Variants in KDM8 observed in about 807,000 individuals in gnomAD.
The protein encoded by KDM8 is lysine demethylase 8.
A neutral mutation model predicts 46.9 loss-of-function variants in KDM8; 35 were observed. The ratio of observed to expected loss-of-function variants is 0.75; its 90% confidence interval spans 0.57 to 0.99. KDM8 has a LOEUF of 0.99. Among genes scored for constraint, KDM8 ranks in the 50% least tolerant of loss-of-function variants. The pLI, the probability that KDM8 is intolerant of heterozygous loss-of-function variation, is 0.00. For missense variants in KDM8, 475 were observed against 537.0 expected, an observed-to-expected ratio of 0.88 and a Z score of 1.14; for synonymous variants, 232 against 227.7, an observed-to-expected ratio of 1.02 and a Z score of -0.17.
intron 5 of KDM8, among the ~76,000 whole-genome samples, chr16:27,218,714 G>T (rs1220019005): frequency 6.6e-6 from 1 of 152,178 alleles, no homozygotes; most frequent in Non-Finnish European, 1.5e-5. Flanking sequence ...GCCGGGTGTG[G>T]TGCATGCTTG....
At chr16:27,208,388 G>A (rs1206579183) in intron 1 of KDM8, among the ~76,000 whole-genome samples, 1 of 152,204 alleles carries the variant, frequency 6.6e-6, no homozygotes, top group Non-Finnish European at 1.5e-5. Context: ...GTTTTATAAG[G>A]TCACCCTGAA....
intron 1 of KDM8, among the ~76,000 whole-genome samples, chr16:27,205,125 A>G (rs79047410): frequency 0.012 from 1,897 of 152,340 alleles, 48 homozygotes; most frequent in African/African-American, 0.043. Context: ...CTACTTTGCC[A>G]GTTTGCATAG....
chr16:27,220,506 G>A, intron 7 of KDM8, 21 bp downstream of exon 7: 1 of 1,614,076 alleles, frequency 6.2e-7, no homozygotes, highest in Non-Finnish European at 8.5e-7. Flanking sequence ...GGGGTCTGGG[G>A]TGACGTTGCA....
intron 6 of KDM8, 72 bp downstream of exon 6, chr16:27,219,182 G>C (rs1294837611): frequency 7.0e-7 from 1 of 1,427,958 alleles, no homozygotes; most frequent in Non-Finnish European, 9.4e-7. Context: ...CACATTCTCT[G>C]CCTTTAAACA....
chr16:27,217,352 C>T (rs1423219548), intron 5 of KDM8, among the ~76,000 whole-genome samples: 3 of 152,220 alleles, frequency 2.0e-5, no homozygotes, highest in African/African-American at 7.2e-5. Flanking sequence ...CGGGTCTCTG[C>T]ATCCTCGGCC....
chr16:27,211,291 G>C (rs2083482762), intron 2 of KDM8: 2 of 429,968 alleles, frequency 4.7e-6, no homozygotes, highest in Admixed American at 5.6e-5. Context: ...TCTCACCCAG[G>C]CGAGGCGATA....
chr16:27,213,800 C>T, intron 3 of KDM8, 49 bp downstream of exon 3: 1 of 1,574,616 alleles, frequency 6.4e-7, no homozygotes, highest in Non-Finnish European at 8.7e-7. Context: ...TTTTAGCGTT[C>T]CCCAGGGCTC....
chr16:27,214,928 G>T lies in KDM8; in HGVS notation c.718G>T (p.Gly240Cys). 2 of 1,614,192 alleles carry T rather than the reference G, an allele frequency of 1.2e-6. No individual in the cohort carries two copies. The highest frequency in any genetic ancestry group is 1.7e-6 in the Non-Finnish European group (2 of 1,180,016). The stretch of plus-strand genomic sequence containing the variant: ...CTGCCGAACTGTCCCAGTGGAAGTT[G>T]GTTCGAGGTACACAGATGAGGAATG... Reference protein sequence around the residue: ...AGCRTVPVEVGSRYTDEEWSQ... With the variant: ...AGCRTVPVEVCSRYTDEEWSQ... The change falls in exon 4 of 8, where the codon GGT becomes TGT. Residue 240 changes from glycine (G) to cysteine (C), a missense_variant. Gly to Cys is a radical substitution (Grantham distance 159). Transcript: ENST00000286096.
At chr16:27,203,904 CGTGAGGGCAGGCCCTTACGGCGGGCTGCT>C in intron 1 of KDM8, 1 of 501,858 alleles carries the variant, frequency 2.0e-6, no homozygotes, top group Admixed American at 4.0e-5. Context: ...TTTGCGCATG[CGTGAGGGCAGGCCCTTACGGCGGGCTGCT>C]GTGCGCTTTA....
chr16:27,220,437 A>C lies in KDM8; in HGVS notation c.1038A>C (p.Ser346=), dbSNP rs751815669. ...KYIRLYSPQE[S]GALYPHDTHL... ...TCCGGCTGTATTCCCCGCAGGAGTC[A>C]GGGGCTCTGTACCCTCATGACACGC... The change falls in exon 7 of 8, where the codon TCA becomes TCC. Residue 346 remains serine (S), a synonymous_variant. Coordinates refer to ENST00000286096, the MANE Select transcript of KDM8 (RefSeq NM_024773.3). 6.2e-7 allele frequency: 1 copy of C among 1,614,110 alleles called. No individual in the cohort carries two copies. Among genetic ancestry groups the C allele is most frequent in the Non-Finnish European group, 8.5e-7 (1 of 1,180,008 alleles).
At chr16:27,211,676 A>T (rs1464328324) in intron 2 of KDM8, 1 of 151,974 alleles carries the variant, frequency 6.6e-6, no homozygotes, top group East Asian at 1.9e-4. Flanking sequence ...TACAATGCAT[A>T]TTATTATTAT....
Position 27,213,579 on chromosome 16 carries a change from AAACAG to A in KDM8, c.499-3_500del. The A allele has an allele frequency of 6.2e-7, 1 of 1,613,456 alleles. No individual in the cohort carries two copies. The highest frequency in any genetic ancestry group is 8.5e-7 in the Non-Finnish European group (1 of 1,179,682). ...TGCTATTTTGTTCTGTTTTGATTTTAAACAGAAAGCAAGGGCGGACCATGGTTTGA... is the reference window on the plus strand; with the variant it reads ...TGCTATTTTGTTCTGTTTTGATTTTAAAAGCAAGGGCGGACCATGGTTTGA... On this transcript the variant is annotated splice_acceptor_variant and splice_polypyrimidine_tract_variant and intron_variant, in intron 2 of 7. Transcript: ENST00000286096. LOFTEE classifies it high-confidence loss of function.
chr16:27,218,096 G>A (rs2083574334), intron 5 of KDM8, among the ~76,000 whole-genome samples: 1 of 151,830 alleles, frequency 6.6e-6, no homozygotes, highest in African/African-American at 2.4e-5. Context: ...GACCAGCCTG[G>A]ACAACATAGC....
At chr16:27,216,180 G>T in intron 5 of KDM8, 191 bp downstream of exon 5, 1 of 622,162 alleles carries the variant, frequency 1.6e-6, no homozygotes, top group Non-Finnish European at 2.9e-6. Flanking sequence ...GGGGTCGCCA[G>T]TGCCCCGAGG....
At position 27,214,999 on chromosome 16, in the gene KDM8, C is replaced by A. The variant is rs1005877843; in HGVS notation, c.789C>A (p.Ile263=). The A allele has an allele frequency of 6.2e-7, 1 of 1,614,062 alleles. No homozygotes were observed. The highest frequency in any genetic ancestry group is 8.5e-7 in the Non-Finnish European group (1 of 1,179,988). Residue 263 remains isoleucine (I), a synonymous_variant, in exon 4 of 8, where the codon ATC becomes ATA. Transcript: ENST00000286096. ...MTVNEFISKY[I]VNEPRDVGYL... is the part of the protein sequence containing the mutation. ...TCAACGAGTTCATCAGCAAATACAT[C>A]GTGAATGAGGTACATCATGGGGACT... is the stretch of plus-strand genomic sequence containing the variant.
At chr16:27,211,012 A>G in intron 2 of KDM8, 1 of 385,654 alleles carries the variant, frequency 2.6e-6, no homozygotes, top group Non-Finnish European at 5.1e-6. Context: ...CTCCTGGCCT[A>G]AAGCAGTCCT....
rs1469583213 is a variant in KDM8, at chr16:27,210,598, C to T, written c.475C>T (p.Leu159Phe). 4 of 1,514,544 alleles carry T rather than the reference C, an allele frequency of 2.6e-6. No homozygotes were observed. Among genetic ancestry groups the T allele is most frequent in the Non-Finnish European group, 2.7e-6 (3 of 1,131,610 alleles). 93.8% of individuals were successfully genotyped at this position (1,514,544 alleles called of 1,614,324 possible). Residue 159 changes from leucine to phenylalanine, a missense_variant, in exon 2 of 8, where the codon CTC becomes TTC. Coordinates refer to ENST00000286096, the MANE Select transcript of KDM8 (RefSeq NM_024773.3). Reference sequence around the variant, plus strand: ...TGGAAAGAGGCCTGCCCGTGGCTCCCTCCCAGAGCAACCCTGCACAAAGGT... The same window carrying T: ...TGGAAAGAGGCCTGCCCGTGGCTCCTTCCCAGAGCAACCCTGCACAAAGGT... ...LPGKRPARGS[L>F]PEQPCTKKAR...
intron 5 of KDM8, among the ~76,000 whole-genome samples, chr16:27,217,343 G>T (rs151223498): frequency 2.0e-5 from 3 of 152,100 alleles, no homozygotes; most frequent in African/African-American, 7.2e-5. Flanking sequence ...GATTCCCTTC[G>T]GGTCTCTGCA....
chr16:27,204,444 T>C (rs1596640653), intron 1 of KDM8: 1 of 1,070,950 alleles, frequency 9.3e-7, no homozygotes, highest in East Asian at 3.4e-5. Context: ...GTTCCAAACT[T>C]TCCTGGGAAG....
Sources: allele counts gnomAD v4.1 joint callset (sites outside exome capture counted in the v4.1 genomes callset), GRCh38; gene constraint gnomAD v4.1.1; transcripts MANE v1.5; gene names NCBI Gene and HGNC (gene_info 2026-07-23, HGNC 2026-07-21).